The following BRCA1 variants were observed in gnomAD, a reference collection of about 807,000 sequenced individuals.
BRCA1 encodes BRCA1 DNA repair associated, also known as breast cancer type 1 susceptibility protein.
In BRCA1, 140 loss-of-function variants were observed where a neutral mutation model predicts 173.7. The ratio of observed to expected loss-of-function variants is 0.81; its 90% confidence interval spans 0.70 to 0.93. BRCA1 has a LOEUF of 0.93. Ranked by LOEUF, BRCA1 falls within the 40% of genes least tolerant of loss-of-function variation. The pLI, the probability that BRCA1 is intolerant of heterozygous loss-of-function variation, is 0.00. For synonymous variants in BRCA1, 662 were observed against 756.0 expected (o/e 0.88, Z 2.04); for missense variants, 1,983 against 2,172.5 (o/e 0.91, Z 1.73).
chr17:43,083,866 A>T (rs1366524307), intron 11 of BRCA1, among the ~76,000 whole-genome samples: 1 of 151,966 alleles, frequency 6.6e-6, no homozygotes, highest in Non-Finnish European at 1.5e-5. Context: ...AATTTATTTT[A>T]TTTATTTATT....
chr17:43,105,820 T>C (rs1388324563), intron 4 of BRCA1, among the ~76,000 whole-genome samples: 1 of 152,058 alleles, frequency 6.6e-6, no homozygotes, highest in East Asian at 1.9e-4. Context: ...ATACACAATA[T>C]ATAAATACAT....
At chr17:43,100,678 A>ATATGTTAT (rs1491277616) in intron 6 of BRCA1, among the ~76,000 whole-genome samples, 1 of 36,280 alleles carries the variant, frequency 2.8e-5, no homozygotes, top group East Asian at 1.2e-3. Flanking sequence ...ATATATATAT[A>ATATGTTAT]ATATATATAT....
intron 1 of BRCA1, among the ~76,000 whole-genome samples, chr17:43,137,722 T>A (rs1290494901): frequency 6.6e-6 from 1 of 151,878 alleles, no homozygotes; most frequent in Non-Finnish European, 1.5e-5. Context: ...CAAAAAAATA[T>A]AAAAATTAGC....
intron 2 of BRCA1, among the ~76,000 whole-genome samples, chr17:43,121,742 A>G (rs1338844990): frequency 6.6e-6 from 1 of 151,972 alleles, no homozygotes; most frequent in East Asian, 1.9e-4. Flanking sequence ...GAAAAAAGCA[A>G]TGAAAAGCTA....
intron 1 of BRCA1, among the ~76,000 whole-genome samples, chr17:43,156,742 A>G (rs1597944689): frequency 6.6e-6 from 1 of 152,350 alleles, no homozygotes; most frequent in East Asian, 1.9e-4. Flanking sequence ...CACTGACTCA[A>G]TTCTGAAATA....
At chr17:43,157,057 T>C (rs2056201692) in intron 1 of BRCA1, among the ~76,000 whole-genome samples, 1 of 152,174 alleles carries the variant, frequency 6.6e-6, no homozygotes, top group Non-Finnish European at 1.5e-5. Context: ...TAGGTTTAGG[T>C]TGAAAAACAA....
At chr17:43,124,168 A>G in intron 1 of BRCA1, 53 bp from the exon 2 acceptor site, 11 of 1,034,860 alleles carry the variant, frequency 1.1e-5, no homozygotes, top group Non-Finnish European at 1.6e-5. Flanking sequence ...GGTTTATAAA[A>G]TGACAACTTC....
At chr17:43,113,647 G>A (rs1190616302) in intron 3 of BRCA1, among the ~76,000 whole-genome samples, 1 of 151,942 alleles carries the variant, frequency 6.6e-6, no homozygotes, top group Non-Finnish European at 1.5e-5. Context: ...TATTATAGGC[G>A]TGAGCCACCG....
chr17:43,102,368 T>TTTTTTTTA (rs2054517207), intron 6 of BRCA1, among the ~76,000 whole-genome samples: 1 of 141,746 alleles, frequency 7.1e-6, no homozygotes, highest in East Asian at 2.1e-4. Context: ...TTTTTTTTTT[T>TTTTTTTTA]TTTTTTTGAG....
chr17:43,133,603 C>T (rs2055989466), intron 1 of BRCA1, among the ~76,000 whole-genome samples: 1 of 151,840 alleles, frequency 6.6e-6, no homozygotes, highest in Non-Finnish European at 1.5e-5. Context: ...TAGCTCCTTT[C>T]CATTCTGGCC....
At chr17:43,076,735 C>G (rs776865875) in intron 12 of BRCA1, 121 bp from the exon 13 acceptor site, 2 of 1,165,752 alleles carry the variant, frequency 1.7e-6, no homozygotes, top group Non-Finnish European at 2.5e-6. Flanking sequence ...GGTTTTTAAA[C>G]AAGTATATCA....
chr17:43,166,429 G>A (rs1217707330), intron 1 of BRCA1: 3 of 152,102 alleles, frequency 2.0e-5, no homozygotes, highest in Non-Finnish European at 4.4e-5. Context: ...TTTGAAACAA[G>A]GGACCTGTCC....
rs560232624 is a variant in BRCA1, at chr17:43,118,283, A to T, written c.81-2504T>A. On this transcript the variant is annotated intron_variant, in intron 2 of 22. Coordinates refer to ENST00000357654, the MANE Select transcript of BRCA1 (RefSeq NM_007294.4). The stretch of plus-strand genomic sequence containing the variant: ...TGCTAAAATGTAATAATCCAGGAGG[A>T]TATTGTAGGGAAAGACTATCAGAGA... Among the ~76,000 whole-genome samples the T allele has an allele frequency of 9.8e-5, 15 of 152,306 alleles. No individual in the cohort carries two copies. In the South Asian group the frequency reaches 2.7e-3, roughly 27 times the overall value.
chr17:43,165,535 T>C (rs781149810), intron 1 of BRCA1, among the ~76,000 whole-genome samples: 6 of 152,120 alleles, frequency 3.9e-5, no homozygotes, highest in Non-Finnish European at 8.8e-5. Context: ...ACTTTTAAAT[T>C]ATACAACATT....
Position 43,091,802 on chromosome 17 carries a change from C to T in BRCA1, c.3729G>A (p.Arg1243=), listed in dbSNP as rs2154292175. 6.2e-7 allele frequency: 1 copy of T among 1,614,122 alleles called. No individual in the cohort carries two copies. The highest frequency in any genetic ancestry group is 8.5e-7 in the Non-Finnish European group (1 of 1,180,024). Residue 1243 remains arginine, a synonymous_variant, in exon 10 of 23, where the codon AGG becomes AGA. Coordinates refer to ENST00000357654, the MANE Select transcript of BRCA1 (RefSeq NM_007294.4). ...KVNNIPSQST[R]HSTVATECLS... ...GACACTCGGTAGCAACGGTGCTATG[C>T]CTAGTAGACTGAGAAGGTATATTGT...
At chr17:43,142,990 ATG>A (rs2056088957) in intron 1 of BRCA1, among the ~76,000 whole-genome samples, 2 of 148,154 alleles carry the variant, frequency 1.3e-5, no homozygotes, top group Non-Finnish European at 3.0e-5. Flanking sequence ...GTATATATAT[ATG>A]TATATATGTA....
chr17:43,169,146 G>C (rs894140347), intron 1 of BRCA1, among the ~76,000 whole-genome samples: 9 of 152,078 alleles, frequency 5.9e-5, no homozygotes, highest in African/African-American at 2.2e-4. Flanking sequence ...CTTCCGCAAG[G>C]GCCCATCTTC....
rs1057523606 is a variant in BRCA1, at chr17:43,106,497, C to A, written c.171G>T (p.Gly57=). 6.2e-7 allele frequency: 1 copy of A among 1,604,628 alleles called. No homozygotes were observed. The highest frequency in any genetic ancestry group is 8.5e-7 in the Non-Finnish European group (1 of 1,172,342). Residue 57 remains glycine (G), a synonymous_variant, in exon 4 of 23, where the codon GGG becomes GGT. Transcript: ENST00000357654. ...TCTTACATAAAGGACACTGTGAAGG[C>A]CCTTTCTTCTGGTTGAGAAGTTTCA... is the stretch of plus-strand genomic sequence containing the variant. ...CMLKLLNQKK[G]PSQCPLCKND...
upstream of BRCA1, among the ~76,000 whole-genome samples, chr17:43,127,994 A>G (rs1439952408): frequency 7.2e-6 from 1 of 138,194 alleles, no homozygotes; most frequent in Admixed American, 7.7e-5. Context: ...ACTGCATTCC[A>G]GCCTGGGTGA....
Sources: gnomAD v4.1 joint callset for allele counts (sites outside exome capture counted in the v4.1 genomes callset) on GRCh38, gnomAD v4.1.1 for gene constraint, MANE v1.5 for transcripts, NCBI Gene and HGNC (gene_info 2026-07-23, HGNC 2026-07-21) for gene names.